Variants in LRP1B observed in about 807,000 individuals in gnomAD.
LRP1B encodes low-density lipoprotein receptor-related protein 1B.
A neutral mutation model predicts 556.6 loss-of-function variants in LRP1B; 217 were observed. The ratio of observed to expected loss-of-function variants is 0.39; its 90% confidence interval spans 0.35 to 0.44. LRP1B has a LOEUF of 0.44. Ranked by LOEUF, LRP1B falls within the 20% of genes least tolerant of loss-of-function variation. The pLI is 1.00. For missense variants in LRP1B, 5,053 were observed against 5,620.8 expected, an observed-to-expected ratio of 0.90 and a Z score of 3.23; for synonymous variants, 2,047 against 1,865.8, an observed-to-expected ratio of 1.10 and a Z score of -2.50.
At chr2:140,837,707 G>A (rs553730650) in intron 31 of LRP1B, among the ~76,000 whole-genome samples, 2 of 150,674 alleles carry the variant, frequency 1.3e-5, no homozygotes, top group Non-Finnish European at 2.9e-5. Flanking sequence ...ACCAAACACC[G>A]CATATTCTCA....
chr2:141,174,028 ACT>A (rs776915308), intron 7 of LRP1B, among the ~76,000 whole-genome samples: 55 of 151,660 alleles, frequency 3.6e-4, no homozygotes, highest in Non-Finnish European at 4.7e-4. Flanking sequence ...TCTGTCCTCC[ACT>A]CTCAGATTTA....
chr2:140,924,018 T>A (rs1694816076), intron 20 of LRP1B, among the ~76,000 whole-genome samples: 1 of 152,016 alleles, frequency 6.6e-6, no homozygotes, highest in Admixed American at 6.6e-5. Context: ...AATAGATATT[T>A]TAGTAGATAT....
At chr2:140,789,813 G>A (rs1000095680) in intron 32 of LRP1B, among the ~76,000 whole-genome samples, 5 of 150,932 alleles carry the variant, frequency 3.3e-5, no homozygotes, top group Admixed American at 1.3e-4. Flanking sequence ...TGTATTTTTA[G>A]TAGAGACGGG....
At chr2:141,818,876 A>T (rs1696658661) in intron 1 of LRP1B, among the ~76,000 whole-genome samples, 1 of 151,516 alleles carries the variant, frequency 6.6e-6, no homozygotes, top group African/African-American at 2.4e-5. Context: ...TTTGCTTGGG[A>T]TGCCCTTTCC....
At chr2:141,686,848 A>G (rs889916346) in intron 2 of LRP1B, among the ~76,000 whole-genome samples, 5 of 151,902 alleles carry the variant, frequency 3.3e-5, no homozygotes, top group Admixed American at 2.6e-4. Context: ...GAAGAGGAAG[A>G]CAGACCTGAG....
chr2:141,154,677 T>G (rs1430261503), intron 7 of LRP1B, among the ~76,000 whole-genome samples: 1 of 151,880 alleles, frequency 6.6e-6, no homozygotes, highest in African/African-American at 2.4e-5. Context: ...AACAATAAAG[T>G]TCAACACTCC....
At chr2:140,394,025 C>A (rs973094651) in intron 66 of LRP1B, among the ~76,000 whole-genome samples, 1 of 151,964 alleles carries the variant, frequency 6.6e-6, no homozygotes, top group South Asian at 2.1e-4. Context: ...TGTACTAAAT[C>A]TCCTTGACTG....
intron 41 of LRP1B, among the ~76,000 whole-genome samples, chr2:140,656,396 G>T (rs1684880612): frequency 6.6e-6 from 1 of 152,114 alleles, no homozygotes; most frequent in Admixed American, 6.5e-5. Flanking sequence ...AAATCACAAT[G>T]TATATTATTG....
intron 2 of LRP1B, among the ~76,000 whole-genome samples, chr2:141,665,932 A>T (rs1690412959): frequency 6.6e-6 from 1 of 152,034 alleles, no homozygotes. Context: ...GGACATAGGG[A>T]GGGGAACAAC....
intron 2 of LRP1B, among the ~76,000 whole-genome samples, chr2:141,750,812 T>C (rs1253740029): frequency 6.6e-6 from 1 of 152,018 alleles, no homozygotes; most frequent in Non-Finnish European, 1.5e-5. Context: ...AAAAGAAAAA[T>C]CAGTGTCATT....
At chr2:141,222,959 C>T (rs1469575988) in intron 6 of LRP1B, among the ~76,000 whole-genome samples, 1 of 152,106 alleles carries the variant, frequency 6.6e-6, no homozygotes, top group East Asian at 1.9e-4. Flanking sequence ...TGGAAGCATT[C>T]CCCTTGAAAA....
intron 1 of LRP1B, among the ~76,000 whole-genome samples, chr2:142,098,793 C>T (rs1433865652): frequency 3.3e-5 from 5 of 151,710 alleles, no homozygotes; most frequent in African/African-American, 9.7e-5. Flanking sequence ...TGATGCCTCA[C>T]GTTATTCTGA....
At chr2:140,297,752 A>T (rs1350761237) in intron 84 of LRP1B, 56 bp downstream of exon 84, 3 of 1,524,552 alleles carry the variant, frequency 2.0e-6, no homozygotes, top group Non-Finnish European at 1.8e-6. Context: ...GGATACAGGA[A>T]ATCAGAAGAT....
intron 75 of LRP1B, among the ~76,000 whole-genome samples, chr2:140,354,476 T>G (rs558348874): frequency 6.6e-6 from 1 of 152,082 alleles, no homozygotes; most frequent in Non-Finnish European, 1.5e-5. Flanking sequence ...TAATAAATAT[T>G]TTACAGGAAT....
At chr2:141,697,056 CTTT>C (rs1405901730) in intron 2 of LRP1B, among the ~76,000 whole-genome samples, 4 of 151,754 alleles carry the variant, frequency 2.6e-5, no homozygotes, top group Non-Finnish European at 4.4e-5. Flanking sequence ...ATATCACGTT[CTTT>C]TTTTATTTTT....
intron 2 of LRP1B, among the ~76,000 whole-genome samples, chr2:141,713,851 C>T (rs558573679): frequency 3.1e-4 from 47 of 152,228 alleles, no homozygotes; most frequent in African/African-American, 1.1e-3. Context: ...GTCAAGTGAT[C>T]AATTAATGGA....
intron 1 of LRP1B, among the ~76,000 whole-genome samples, chr2:142,125,616 T>C (rs1392451236): frequency 1.3e-5 from 2 of 151,796 alleles, no homozygotes; most frequent in African/African-American, 4.8e-5. Context: ...CCATCCAAAA[T>C]AAAATAACTG....
chr2:141,922,240 T>C (rs1403921855), intron 1 of LRP1B, among the ~76,000 whole-genome samples: 2 of 152,170 alleles, frequency 1.3e-5, no homozygotes, highest in African/African-American at 2.4e-5. Flanking sequence ...CGTATTGAAG[T>C]AAGCACATTG....
chr2:141,896,061 G>A (rs1699444063), intron 1 of LRP1B, among the ~76,000 whole-genome samples: 3 of 152,102 alleles, frequency 2.0e-5, no homozygotes, highest in Non-Finnish European at 4.4e-5. Context: ...TTTTCCCATA[G>A]AAACAGTGTT....
Sources: gnomAD v4.1 joint callset for allele counts (sites outside exome capture counted in the v4.1 genomes callset) on GRCh38, gnomAD v4.1.1 for gene constraint, MANE v1.5 for transcripts, NCBI Gene and HGNC (gene_info 2026-07-23, HGNC 2026-07-21) for gene names.